Variants in XKR6 observed in about 807,000 individuals in gnomAD.
The protein encoded by XKR6 is XK-related protein 6.
A neutral mutation model predicts 56.7 loss-of-function variants in XKR6; 22 were observed. That is an observed-to-expected ratio of 0.39 (90% CI 0.28 to 0.55). The LOEUF (loss-of-function observed/expected upper bound fraction) is 0.55, where lower values mean the gene tolerates loss of function less well. Among genes scored for constraint, XKR6 ranks in the 20% least tolerant of loss-of-function variants. The probability of loss-of-function intolerance (pLI) is 0.66; values close to 1 mark genes in which losing one functional copy is unlikely to be tolerated. For missense variants in XKR6, 852 were observed against 889.0 expected, an observed-to-expected ratio of 0.96 and a Z score of 0.53; for synonymous variants, 524 against 387.8, an observed-to-expected ratio of 1.35 and a Z score of -4.13.
At chr8:10,910,042 T>C (rs1210704696) in intron 2 of XKR6, among the ~76,000 whole-genome samples, 1 of 151,996 alleles carries the variant, frequency 6.6e-6, no homozygotes, top group Admixed American at 6.6e-5. Flanking sequence ...CTAACAGCAA[T>C]GCAATGATTC....
intron 1 of XKR6, among the ~76,000 whole-genome samples, chr8:11,068,647 TG>T (rs1049254212): frequency 1.3e-5 from 2 of 152,088 alleles, no homozygotes; most frequent in African/African-American, 2.4e-5. Context: ...ATGGGCAGCG[TG>T]GGTTTCTCCT....
chr8:11,086,836 A>G (rs978557212), intron 1 of XKR6, among the ~76,000 whole-genome samples: 1 of 152,232 alleles, frequency 6.6e-6, no homozygotes, highest in Non-Finnish European at 1.5e-5. Flanking sequence ...GGCTGCTGCC[A>G]GCATCCTCTG....
intron 1 of XKR6, among the ~76,000 whole-genome samples, chr8:11,111,324 T>C (rs1318709015): frequency 6.6e-6 from 1 of 152,142 alleles, no homozygotes; most frequent in East Asian, 1.9e-4. Context: ...CAGCTCCTTC[T>C]CTCTCCTCAT....
At chr8:10,924,092 A>T (rs1183167485) in intron 2 of XKR6, among the ~76,000 whole-genome samples, 1 of 152,172 alleles carries the variant, frequency 6.6e-6, no homozygotes, top group Non-Finnish European at 1.5e-5. Context: ...TGTTGCTTCC[A>T]GCCCCTCCTC....
chr8:10,910,595 C>G (rs181001307), intron 2 of XKR6, among the ~76,000 whole-genome samples: 68 of 152,326 alleles, frequency 4.5e-4, no homozygotes, highest in African/African-American at 1.5e-3. Flanking sequence ...GGACCCTGGG[C>G]TCTTCTGAGC....
At chr8:10,920,575 G>A (rs553070167) in intron 2 of XKR6, among the ~76,000 whole-genome samples, 2 of 152,296 alleles carry the variant, frequency 1.3e-5, no homozygotes, top group South Asian at 2.1e-4. Flanking sequence ...TCCAATTTCT[G>A]ATGACTAAAC....
chr8:11,162,316 C>A (rs763197860), intron 1 of XKR6, among the ~76,000 whole-genome samples: 40 of 152,206 alleles, frequency 2.6e-4, no homozygotes, highest in Admixed American at 1.3e-3. Flanking sequence ...CCGCCTTCTC[C>A]CCCTTGGCCC....
intron 1 of XKR6, among the ~76,000 whole-genome samples, chr8:10,944,457 G>GA (rs1801474872): frequency 6.6e-6 from 1 of 152,116 alleles, no homozygotes; most frequent in African/African-American, 2.4e-5. Context: ...CTGACCTTTC[G>GA]AAAATCCTCT....
At chr8:11,099,502 G>T (rs1724852277) in intron 1 of XKR6, among the ~76,000 whole-genome samples, 1 of 152,234 alleles carries the variant, frequency 6.6e-6, no homozygotes, top group African/African-American at 2.4e-5. Context: ...CCTGCCTGGA[G>T]AGCGAGCTCT....
rs753368664 is a variant in XKR6 at position 10,922,078 on chromosome 8, A to AGC, written c.961+2555_961+2556insGC. On this transcript the variant is annotated intron_variant, in intron 2 of 2. Coordinates refer to ENST00000416569, the MANE Select transcript of XKR6 (RefSeq NM_173683.4). Reference sequence around the variant, plus strand: ...TTCCCTTCCAGGGGATGCAGCCCTCATTAGGCAGCTGAACCTGCAGGCACC... The same window carrying AGC: ...TTCCCTTCCAGGGGATGCAGCCCTCAGCTTAGGCAGCTGAACCTGCAGGCACC... Among the ~76,000 whole-genome samples, 3 of 152,328 alleles carry AGC rather than the reference A, an allele frequency of 2.0e-5. No homozygotes were observed. In the East Asian group the frequency reaches 5.8e-4, roughly 29 times the overall value.
rs1184560729 is a variant in XKR6 at position 11,188,672 on chromosome 8, GT to G, written c.764+11903del. ...TGTAGGGTGATTTATTAACTCTTCT[GT>G]TGACTACTCAAAAGCTGTCTTCCTT... is the stretch of plus-strand genomic sequence containing the variant. On this transcript the variant is annotated intron_variant, in intron 1 of 2. Coordinates refer to ENST00000416569, the MANE Select transcript of XKR6 (RefSeq NM_173683.4). 9.2e-5 allele frequency among the ~76,000 whole-genome samples: 14 copies of G among 152,244 alleles called. 1 individual carries two copies. Among genetic ancestry groups the G allele is most frequent in the Admixed American group, 3.3e-4 (5 of 15,288 alleles).
In XKR6 at chr8:10,968,983, A is replaced by G. The variant is rs75452003; in HGVS notation, c.765-44153T>C. On this transcript the variant is annotated intron_variant, in intron 1 of 2. Transcript: ENST00000416569. ...AAGGCCTATTTTCCACCTAAAAGTT[A>G]AAGTTCAAGAAAGGGCAAAATAAGA... is the stretch of plus-strand genomic sequence containing the variant. Among the ~76,000 whole-genome samples the G allele has an allele frequency of 2.1e-3, 326 of 152,344 alleles. 8 individuals carry two copies. The East Asian group carries it at 0.053, about 25-fold the overall frequency.
At chr8:11,198,980 T>G (rs1804047926) in intron 1 of XKR6, among the ~76,000 whole-genome samples, 1 of 151,086 alleles carries the variant, frequency 6.6e-6, no homozygotes, top group Non-Finnish European at 1.5e-5. Flanking sequence ...TGACTTTGAG[T>G]GTGTGGGTGT....
chr8:10,912,958 C>A (rs1586297441), intron 2 of XKR6, among the ~76,000 whole-genome samples: 1 of 148,686 alleles, frequency 6.7e-6, no homozygotes, highest in African/African-American at 2.5e-5. Flanking sequence ...AGGGCGAGTA[C>A]ATCTGTAGAG....
intron 1 of XKR6, among the ~76,000 whole-genome samples, chr8:11,182,609 T>C (rs980068894): frequency 4.6e-5 from 7 of 152,196 alleles, no homozygotes; most frequent in South Asian, 4.1e-4. Context: ...CAGTCCTAAG[T>C]GAGGAAGAGA....
At chr8:11,147,030 G>A (rs78636857) in intron 1 of XKR6, among the ~76,000 whole-genome samples, 1,539 of 151,964 alleles carry the variant, frequency 0.01, 43 homozygotes, top group East Asian at 0.08. Flanking sequence ...TAACAATACT[G>A]TGTGGTATAC....
At chr8:11,089,436 G>C (rs1210693029) in intron 1 of XKR6, among the ~76,000 whole-genome samples, 1 of 152,068 alleles carries the variant, frequency 6.6e-6, no homozygotes, top group African/African-American at 2.4e-5. Flanking sequence ...TTTGAGACCA[G>C]GCTGGACAAT....
intron 1 of XKR6, among the ~76,000 whole-genome samples, chr8:10,972,957 G>A (rs1217096046): frequency 6.6e-6 from 1 of 152,202 alleles, no homozygotes; most frequent in Non-Finnish European, 1.5e-5. Flanking sequence ...AGCCTGGCCT[G>A]CCTCTGGGAG....
At chr8:11,065,619 C>T (rs1420315681) in intron 1 of XKR6, among the ~76,000 whole-genome samples, 1 of 151,870 alleles carries the variant, frequency 6.6e-6, no homozygotes, top group African/African-American at 2.4e-5. Context: ...CTTTGGGAGA[C>T]AGCCTCGAGA....
Sources: allele counts gnomAD v4.1 joint callset (sites outside exome capture counted in the v4.1 genomes callset), GRCh38; gene constraint gnomAD v4.1.1; transcripts MANE v1.5; gene names NCBI Gene and HGNC (gene_info 2026-07-23, HGNC 2026-07-21).